The following SCPEP1 variants were observed in gnomAD, a reference collection of about 807,000 sequenced individuals.
SCPEP1 encodes serine carboxypeptidase 1.
Under a neutral mutation model 63.8 loss-of-function variants are expected in SCPEP1, and 51 were observed. That is an observed-to-expected ratio of 0.80 (90% confidence interval 0.64 to 1.01). The LOEUF is 1.01. Ranked by LOEUF, SCPEP1 falls within the 50% of genes least tolerant of loss-of-function variation. The pLI is 0.00. For synonymous variants in SCPEP1, 204 were observed against 207.8 expected (o/e 0.98, Z 0.16); for missense variants, 499 against 554.9 (o/e 0.90, Z 1.01).
intron 6 of SCPEP1, among the ~76,000 whole-genome samples, chr17:56,991,990 A>G (rs147516759): frequency 6.6e-6 from 1 of 152,368 alleles, no homozygotes; most frequent in East Asian, 1.9e-4. Context: ...AGGCAAAACC[A>G]AACTATCGAG....
chr17:56,992,961 C>T (rs1251022018), intron 6 of SCPEP1, among the ~76,000 whole-genome samples: 2 of 152,198 alleles, frequency 1.3e-5, no homozygotes, highest in Admixed American at 1.3e-4. Flanking sequence ...GTAATCCATC[C>T]TTCCAGATCC....
chr17:57,006,381 A>T lies in SCPEP1; in HGVS notation c.*146A>T. On this transcript the variant is annotated 3_prime_UTR_variant, in exon 13 of 13. Transcript: ENST00000262288. ...TCTGACCAGCTTCTGCAGAGGATAA[A>T]ATCATTGTCTCTGGAGGCAATTTGG... 2.0e-6 allele frequency: 1 copy of T among 492,410 alleles called. No individual in the cohort carries two copies. The highest frequency in any genetic ancestry group is 3.6e-6 in the Non-Finnish European group (1 of 281,502). 30.5% of individuals were successfully genotyped at this position (492,410 alleles called of 1,614,324 possible). A position where few individuals can be genotyped will look rare whatever the true frequency, so the allele number is the denominator to read the frequency against.
chr17:56,981,758 G>A, intron 2 of SCPEP1, among the ~76,000 whole-genome samples: 1 of 152,174 alleles, frequency 6.6e-6, no homozygotes, highest in Non-Finnish European at 1.5e-5. Context: ...GGAGGCGGAG[G>A]TAGCAGTGAG....
rs759417208 is a variant in SCPEP1, at chr17:56,978,143, G to C, written c.-17G>C. On this transcript the variant is annotated 5_prime_UTR_variant, in exon 1 of 13. Coordinates refer to ENST00000262288, the MANE Select transcript of SCPEP1 (RefSeq NM_021626.3). ...CCGGGTCCAGCCTGTTGCTGATGCTGCCGTGCGGTACTTGTCATGGAGCTG... is the reference window on the plus strand; with the variant it reads ...CCGGGTCCAGCCTGTTGCTGATGCTCCCGTGCGGTACTTGTCATGGAGCTG... 6 of 1,284,136 alleles carry C rather than the reference G, an allele frequency of 4.7e-6. No homozygotes were observed. In the East Asian group the frequency reaches 1.4e-4, roughly 31 times the overall value. The allele number at this position is 1,284,136 out of a possible 1,614,324, so 79.5% of individuals were successfully genotyped here. A position where few individuals can be genotyped will look rare whatever the true frequency, so the allele number is the denominator to read the frequency against.
At chr17:56,998,357 G>A in intron 9 of SCPEP1, 28 bp from the exon 10 acceptor site, 3 of 1,344,392 alleles carry the variant, frequency 2.2e-6, no homozygotes, top group Non-Finnish European at 3.2e-6. Context: ...CCAGCCCTTT[G>A]ACTCACTATC....
At position 56,985,422 on chromosome 17, in the gene SCPEP1, A is replaced by T. The variant is rs1172200874; in HGVS notation, c.270A>T (p.Glu90Asp). 6.2e-7 allele frequency: 1 copy of T among 1,614,174 alleles called. No individual in the cohort carries two copies. Among genetic ancestry groups the T allele is most frequent in the Admixed American group, 1.7e-5 (1 of 60,028 alleles). ...GSSTGFGNFE[E>D]IGPLDSDLKP... ...GCACTGGATTTGGAAACTTTGAGGA[A>T]ATTGGGCCCCTTGACAGTGATCTCA... Residue 90 changes from glutamate to aspartate, a missense_variant, in exon 3 of 13, where the codon GAA becomes GAT. Physicochemically the swap from Glu to Asp is conservative, Grantham distance 45. Coordinates refer to ENST00000262288, the MANE Select transcript of SCPEP1 (RefSeq NM_021626.3).
rs1597921150 is a variant in SCPEP1, at chr17:56,997,135, A to ACTT, written c.880+81_880+83dup. 3 of 858,494 alleles carry ACTT rather than the reference A, an allele frequency of 3.5e-6. No homozygotes were observed. In the East Asian group the frequency reaches 8.3e-5, roughly 24 times the overall value. 53.2% of individuals were successfully genotyped at this position (858,494 alleles called of 1,614,324 possible). On this transcript the variant is annotated intron_variant, in intron 9 of 12. Transcript: ENST00000262288. ...AACCTGTTTATTAAAAAAAAAAAAA[A>ACTT]CTTTATTAACATATAATTTGCATAC...
At chr17:56,994,893 TTTC>T in intron 6 of SCPEP1, 85 bp from the exon 7 acceptor site, 4 of 1,242,458 alleles carry the variant, frequency 3.2e-6, no homozygotes, top group Admixed American at 3.4e-5. Flanking sequence ...CTTCTGTCTC[TTTC>T]TTCTTTAGAG....
intron 6 of SCPEP1, among the ~76,000 whole-genome samples, chr17:56,993,935 G>A (rs923452068): frequency 2.0e-5 from 3 of 152,228 alleles, no homozygotes; most frequent in Non-Finnish European, 4.4e-5. Context: ...CCAATCCTGT[G>A]TTTTAAGAAA....
At chr17:56,990,137 GATAACT>G (rs1165498498) in intron 5 of SCPEP1, among the ~76,000 whole-genome samples, 1 of 152,196 alleles carries the variant, frequency 6.6e-6, no homozygotes, top group East Asian at 1.9e-4. Flanking sequence ...AACGATATGA[GATAACT>G]TTGTTTGTAA....
In SCPEP1 at chr17:57,000,910, TA is replaced by T; in HGVS notation, c.1051del (p.Ser351AlafsTer13). ...MEEDFMKPVI[S>X]IVDELLEAGI... ...AGGAGGACTTCATGAAGCCAGTCAT[TA>T]GCATTGTGGACGAGTTGCTGGAGGC... On this transcript the variant is annotated frameshift_variant, in exon 11 of 13. Coordinates refer to ENST00000262288, the MANE Select transcript of SCPEP1 (RefSeq NM_021626.3). LOFTEE classifies it high-confidence loss of function. 1 of 1,614,160 alleles carries T rather than the reference TA, an allele frequency of 6.2e-7. No individual in the cohort carries two copies.
At chr17:56,999,118 A>C (rs1316089814) in intron 10 of SCPEP1, among the ~76,000 whole-genome samples, 1 of 152,120 alleles carries the variant, frequency 6.6e-6, no homozygotes, top group Non-Finnish European at 1.5e-5. Context: ...ATCCATTTGA[A>C]ATTTTCCATA....
intron 2 of SCPEP1, chr17:56,984,710 G>C (rs898406512): frequency 1.3e-5 from 2 of 152,898 alleles, no homozygotes; most frequent in Admixed American, 6.5e-5. Flanking sequence ...CTGGGGAGAG[G>C]GTGATGGAGG....
chr17:56,987,548 TAA>T, intron 3 of SCPEP1, 145 bp from the exon 4 acceptor site: 1 of 716,468 alleles, frequency 1.4e-6, no homozygotes, highest in Non-Finnish European at 2.1e-6. Flanking sequence ...CCCTTATTTT[TAA>T]AAATCTCTTT....
chr17:56,996,057 C>A (rs559602301), intron 8 of SCPEP1, among the ~76,000 whole-genome samples: 16 of 152,194 alleles, frequency 1.1e-4, no homozygotes, highest in Admixed American at 2.6e-4. Context: ...AAATTAACAC[C>A]TAGGCCCTTG....
intron 2 of SCPEP1, chr17:56,985,054 G>A (rs1260266226): frequency 1.9e-5 from 6 of 317,982 alleles, no homozygotes; most frequent in Non-Finnish European, 5.9e-6. Flanking sequence ...GTGGTGAGCC[G>A]AGATTGCACC....
chr17:56,990,173 G>A (rs1366372741), intron 5 of SCPEP1, among the ~76,000 whole-genome samples: 1 of 152,218 alleles, frequency 6.6e-6, no homozygotes, highest in African/African-American at 2.4e-5. Context: ...ACTTCCATAT[G>A]TGGAGATAGA....
At chr17:56,979,219 A>G (rs1299739070) in intron 1 of SCPEP1, among the ~76,000 whole-genome samples, 1 of 152,132 alleles carries the variant, frequency 6.6e-6, no homozygotes, top group Non-Finnish European at 1.5e-5. Context: ...GAACTGCCTG[A>G]CTCAAGTGAT....
chr17:56,997,738 C>T (rs1424488759), intron 9 of SCPEP1, among the ~76,000 whole-genome samples: 1 of 151,820 alleles, frequency 6.6e-6, no homozygotes, highest in African/African-American at 2.4e-5. Flanking sequence ...TATTTTGAAC[C>T]AATTTTGACA....
Sources: gnomAD v4.1 joint callset for allele counts (sites outside exome capture counted in the v4.1 genomes callset) on GRCh38, gnomAD v4.1.1 for gene constraint, MANE v1.5 for transcripts, NCBI Gene and HGNC (gene_info 2026-07-23, HGNC 2026-07-21) for gene names.